The following UGT1A10 variants were observed in gnomAD, a reference collection of about 807,000 sequenced individuals.
UGT1A10 encodes the protein UDP glucuronosyltransferase family 1 member A10.
A neutral mutation model predicts 45.8 loss-of-function variants in UGT1A10; 49 were observed. The observed-to-expected ratio is 1.07, with a 90% CI of 0.85 to 1.36. The LOEUF (loss-of-function observed/expected upper bound fraction) is 1.36, where lower values mean the gene tolerates loss of function less well. UGT1A10 is among the 40% of genes most tolerant of loss of function. The pLI is 0.00. For synonymous variants in UGT1A10, 284 were observed against 249.7 expected (o/e 1.14, Z -1.29); for missense variants, 745 against 668.6 (o/e 1.11, Z -1.26).
At chr2:233,708,067 C>T (rs2076002868) in intron 1 of UGT1A10, among the ~76,000 whole-genome samples, 1 of 152,200 alleles carries the variant, frequency 6.6e-6, no homozygotes, top group Non-Finnish European at 1.5e-5. Flanking sequence ...CACTCTGCAT[C>T]TTGCTTTTTA....
chr2:233,638,981 C>T (rs2073377551), intron 1 of UGT1A10, among the ~76,000 whole-genome samples: 1 of 152,194 alleles, frequency 6.6e-6, no homozygotes, highest in African/African-American at 2.4e-5. Flanking sequence ...CAGTACCAAG[C>T]ACCACCCATG....
chr2:233,685,117 C>T (rs1026274223), intron 1 of UGT1A10, among the ~76,000 whole-genome samples: 11 of 151,976 alleles, frequency 7.2e-5, no homozygotes, highest in African/African-American at 2.7e-4. Context: ...TGAGTCTATC[C>T]AGGTGAATTA....
At position 233,742,072 on chromosome 2, in the gene UGT1A10, G is replaced by A. The variant is rs147639323; in HGVS notation, c.856-24962G>A. The A allele has an allele frequency of 2.6e-5, 4 of 151,962 alleles. 1 individual carries two copies. Among genetic ancestry groups the A allele is most frequent in the African/African-American group, 9.7e-5 (4 of 41,216 alleles). The allele number at this position is 151,962 out of a possible 1,614,324, so 9.4% of individuals were successfully genotyped here. ...GGATAGTTCTGTGTGGCCTTATGGA[G>A]ATCCTTTTTTTACATTTCCAGGACC... On this transcript the variant is annotated intron_variant, in intron 1 of 4. Coordinates refer to ENST00000344644, the MANE Select transcript of UGT1A10 (RefSeq NM_019075.4).
chr2:233,706,284 C>G (rs1160416352), intron 1 of UGT1A10, among the ~76,000 whole-genome samples: 2 of 151,946 alleles, frequency 1.3e-5, no homozygotes, highest in Non-Finnish European at 1.5e-5. Flanking sequence ...AGGGGTGGGG[C>G]CCAGTGCCAG....
intron 2 of UGT1A10, among the ~76,000 whole-genome samples, chr2:233,767,607 T>A (rs990795456): frequency 1.3e-5 from 2 of 152,144 alleles, no homozygotes; most frequent in African/African-American, 4.8e-5. Flanking sequence ...AGTGAAAAAA[T>A]CCTAAGTGCA....
At chr2:233,657,513 C>G (rs981371930) in intron 1 of UGT1A10, among the ~76,000 whole-genome samples, 7 of 152,174 alleles carry the variant, frequency 4.6e-5, no homozygotes, top group Non-Finnish European at 8.8e-5. Flanking sequence ...AGCAATAGGA[C>G]AGGAACTCAC....
At chr2:233,662,565 A>T (rs534391277) in intron 1 of UGT1A10, among the ~76,000 whole-genome samples, 1 of 152,192 alleles carries the variant, frequency 6.6e-6, no homozygotes, top group East Asian at 1.9e-4. Context: ...CCCATAGATG[A>T]TCATGTTGAC....
chr2:233,690,711 A>T, intron 1 of UGT1A10: 1 of 1,222,700 alleles, frequency 8.2e-7, no homozygotes, highest in Admixed American at 3.2e-5. Context: ...GATCGTCATT[A>T]TGACGAACAG....
chr2:233,646,904 C>G (rs895590375), intron 1 of UGT1A10, among the ~76,000 whole-genome samples: 1 of 152,142 alleles, frequency 6.6e-6, no homozygotes, highest in African/African-American at 2.4e-5. Flanking sequence ...TACCAATTGA[C>G]TGTATTAGTC....
chr2:233,643,481 A>AATGCTGT (rs2073514012), intron 1 of UGT1A10, among the ~76,000 whole-genome samples: 1 of 152,028 alleles, frequency 6.6e-6, no homozygotes, highest in South Asian at 2.1e-4. Flanking sequence ...GAGCTCCAGA[A>AATGCTGT]ATGCTGTCCG....
At chr2:233,690,331 G>A (rs1198972052) in intron 1 of UGT1A10, among the ~76,000 whole-genome samples, 3 of 152,164 alleles carry the variant, frequency 2.0e-5, no homozygotes, top group Non-Finnish European at 4.4e-5. Context: ...GGTCATACAA[G>A]GGTCTGAAAG....
At chr2:233,719,146 G>A in intron 1 of UGT1A10, 2 of 1,614,266 alleles carry the variant, frequency 1.2e-6, no homozygotes, top group Non-Finnish European at 1.7e-6. Context: ...CTTCTGAAGA[G>A]ATATTCTAGA....
chr2:233,768,305 G>C lies in UGT1A10; in HGVS notation c.1161G>C (p.Met387Ile). The change falls in exon 4 of 5, where the codon ATG (methionine) becomes ATC (isoleucine). Residue 387 changes from methionine (M) to isoleucine (I), a missense_variant. Coordinates refer to ENST00000344644, the MANE Select transcript of UGT1A10 (RefSeq NM_019075.4). ...ESICNGVPMV[M>I]MPLFGDQMDN... ...TATGCAATGGCGTTCCCATGGTGAT[G>C]ATGCCCTTGTTTGGTGATCAGATGG... 1 of 1,614,202 alleles carries C rather than the reference G, an allele frequency of 6.2e-7. No individual in the cohort carries two copies. The highest frequency in any genetic ancestry group is 8.5e-7 in the Non-Finnish European group (1 of 1,180,040).
chr2:233,718,871 G>T (rs1468501233), intron 1 of UGT1A10: 1 of 1,613,900 alleles, frequency 6.2e-7, no homozygotes, highest in Admixed American at 1.7e-5. Context: ...CAGGACTGCT[G>T]CTCCTCCTCA....
Position 233,662,005 on chromosome 2 carries a change from G to T in UGT1A10, c.855+24628G>T, listed in dbSNP as rs189863754. On this transcript the variant is annotated intron_variant, in intron 1 of 4. Coordinates refer to ENST00000344644, the MANE Select transcript of UGT1A10 (RefSeq NM_019075.4). ...TCAGCCTCACACGGCGTACTGAGTGGATACTTGCAACACTTGAACTCCCTG... is the reference window on the plus strand; with the variant it reads ...TCAGCCTCACACGGCGTACTGAGTGTATACTTGCAACACTTGAACTCCCTG... Among the ~76,000 whole-genome samples, 189 of 152,126 alleles carry T rather than the reference G, an allele frequency of 1.2e-3. 1 individual carries two copies. Among genetic ancestry groups the T allele is most frequent in the African/African-American group, 4.3e-3 (178 of 41,514 alleles).
At chr2:233,765,660 C>G (rs1450693381) in intron 1 of UGT1A10, among the ~76,000 whole-genome samples, 1 of 151,428 alleles carries the variant, frequency 6.6e-6, no homozygotes, top group South Asian at 2.1e-4. Flanking sequence ...GTGCAGCAAA[C>G]CACCATGGCA....
chr2:233,657,453 G>C (rs2073879989), intron 1 of UGT1A10, among the ~76,000 whole-genome samples: 1 of 152,172 alleles, frequency 6.6e-6, no homozygotes, highest in South Asian at 2.1e-4. Flanking sequence ...AAAGAAGCAA[G>C]AGAAAAAGGA....
chr2:233,768,088 A>G, intron 3 of UGT1A10, 132 bp from the exon 4 acceptor site: 2 of 1,591,352 alleles, frequency 1.3e-6, no homozygotes, highest in Non-Finnish European at 1.7e-6. Flanking sequence ...CTCAACCCAC[A>G]TTTTCTTCTG....
At position 233,772,524 on chromosome 2, in the gene UGT1A10, CG is replaced by C. The variant is rs1700532996; in HGVS notation, c.1559del (p.Arg520GlnfsTer22). On this transcript the variant is annotated frameshift_variant, in exon 5 of 5. Transcript: ENST00000344644. LOFTEE classifies it high-confidence loss of function. The part of the protein sequence containing the change: ...GYRKCLGKKG[R>X]VKKAHKSKTH Reference sequence around the variant, plus strand: ...CCGGAAATGCTTGGGGAAAAAAGGGCGAGTTAAGAAAGCCCACAAATCCAAG... The same window carrying C: ...CCGGAAATGCTTGGGGAAAAAAGGGCAGTTAAGAAAGCCCACAAATCCAAG... 6.2e-7 allele frequency: 1 copy of C among 1,613,838 alleles called. No homozygotes were observed. The highest frequency in any genetic ancestry group is 1.3e-5 in the African/African-American group (1 of 74,832).
Sources: gnomAD v4.1 joint callset for allele counts (sites outside exome capture counted in the v4.1 genomes callset) on GRCh38, gnomAD v4.1.1 for gene constraint, MANE v1.5 for transcripts, NCBI Gene and HGNC (gene_info 2026-07-23, HGNC 2026-07-21) for gene names.